The following KCNK13 variants were observed in gnomAD, a reference collection of about 807,000 sequenced individuals.
KCNK13 encodes the protein potassium two pore domain channel subfamily K member 13.
In KCNK13, 12 loss-of-function variants were observed where a neutral mutation model predicts 23.4. The ratio of observed to expected loss-of-function variants is 0.51; its 90% CI spans 0.33 to 0.83. The LOEUF is 0.83. Ranked by LOEUF, KCNK13 falls within the 40% of genes least tolerant of loss-of-function variation. KCNK13 has a pLI of 0.02. For missense variants in KCNK13, 463 were observed against 556.3 expected (o/e 0.83, Z 1.69); for synonymous variants, 231 against 229.5 (o/e 1.01, Z -0.06).
chr14:90,076,564 C>T (rs1278345249), intron 1 of KCNK13, among the ~76,000 whole-genome samples: 1 of 152,062 alleles, frequency 6.6e-6, no homozygotes, highest in Non-Finnish European at 1.5e-5. Flanking sequence ...TTGGCGCAAA[C>T]CATGTCAGAT....
intron 1 of KCNK13, among the ~76,000 whole-genome samples, chr14:90,172,101 G>A (rs1890370861): frequency 6.6e-6 from 1 of 152,110 alleles, no homozygotes; most frequent in South Asian, 2.1e-4. Context: ...CAGATCACCT[G>A]AGGTCAGGAG....
At chr14:90,091,764 G>A (rs1889346604) in intron 1 of KCNK13, among the ~76,000 whole-genome samples, 1 of 151,916 alleles carries the variant, frequency 6.6e-6, no homozygotes, top group African/African-American at 2.4e-5. Flanking sequence ...AGAGTCTATG[G>A]AGAGAGTCCT....
At chr14:90,098,696 T>TC (rs1322954667) in intron 1 of KCNK13, among the ~76,000 whole-genome samples, 1 of 151,424 alleles carries the variant, frequency 6.6e-6, no homozygotes, top group African/African-American at 2.4e-5. Flanking sequence ...GATGGAATTG[T>TC]CCCCCTTAAT....
intron 1 of KCNK13, among the ~76,000 whole-genome samples, chr14:90,141,202 AAC>A (rs1203743600): frequency 6.6e-6 from 1 of 152,222 alleles, no homozygotes; most frequent in Admixed American, 6.5e-5. Flanking sequence ...CTTCAATGCA[AAC>A]ACACACAAGA....
intron 1 of KCNK13, among the ~76,000 whole-genome samples, chr14:90,091,178 G>T (rs28648583): frequency 0.019 from 2,871 of 152,282 alleles, 81 homozygotes; most frequent in African/African-American, 0.065. Flanking sequence ...GGCCCCACAT[G>T]ATATTATTTT....
intron 1 of KCNK13, among the ~76,000 whole-genome samples, chr14:90,146,461 G>A (rs1347183222): frequency 6.6e-6 from 1 of 152,012 alleles, no homozygotes; most frequent in Non-Finnish European, 1.5e-5. Context: ...GATTACAGGT[G>A]TGCATCACCA....
chr14:90,119,001 C>T (rs867920345), intron 1 of KCNK13, among the ~76,000 whole-genome samples: 51 of 152,128 alleles, frequency 3.4e-4, no homozygotes, highest in African/African-American at 1.2e-3. Flanking sequence ...CAATCAGAAA[C>T]TGCTTTGAAC....
chr14:90,138,970 G>A (rs1239752463), intron 1 of KCNK13, among the ~76,000 whole-genome samples: 3 of 152,140 alleles, frequency 2.0e-5, no homozygotes, highest in Non-Finnish European at 4.4e-5. Flanking sequence ...AGGCAACAGT[G>A]GGGCTCTGGG....
chr14:90,166,684 C>T (rs541580095), intron 1 of KCNK13, among the ~76,000 whole-genome samples: 6 of 148,082 alleles, frequency 4.1e-5, no homozygotes, highest in East Asian at 2.0e-4. Context: ...CTAGTCTGGG[C>T]GACAGAGCAA....
Position 90,162,182 on chromosome 14 carries a change from AAAAAC to A in KCNK13, c.335-21914_335-21910del, listed in dbSNP as rs556071618. Among the ~76,000 whole-genome samples, 13 of 152,258 alleles carry A rather than the reference AAAAAC, an allele frequency of 8.5e-5. No individual in the cohort carries two copies. The South Asian group carries it at 1.7e-3, about 19-fold the overall frequency. On this transcript the variant is annotated intron_variant, in intron 1 of 1. Transcript: ENST00000282146. ...CAACAGAGTCAGACCCTCTCTCAGA[AAAAAC>A]AAAACAAAACAAAAACAAAAAGGAG... is the stretch of plus-strand genomic sequence containing the variant.
intron 1 of KCNK13, among the ~76,000 whole-genome samples, chr14:90,101,790 C>CA (rs546423368): frequency 0.022 from 1,212 of 55,346 alleles, 40 homozygotes; most frequent in African/African-American, 0.042. Context: ...ACTCCGTCTC[C>CA]AAAAAAAAAA....
At chr14:90,133,328 G>T (rs895406688) in intron 1 of KCNK13, among the ~76,000 whole-genome samples, 1 of 152,092 alleles carries the variant, frequency 6.6e-6, no homozygotes, top group Non-Finnish European at 1.5e-5. Context: ...TGTCCACAAC[G>T]GATAAATCTC....
At chr14:90,073,479 G>C (rs1889100312) in intron 1 of KCNK13, among the ~76,000 whole-genome samples, 1 of 152,130 alleles carries the variant, frequency 6.6e-6, no homozygotes, top group African/African-American at 2.4e-5. Flanking sequence ...TGGCATGTTG[G>C]CACCAAGGTT....
chr14:90,071,726 G>A (rs947120966), intron 1 of KCNK13, among the ~76,000 whole-genome samples: 3 of 152,062 alleles, frequency 2.0e-5, no homozygotes, highest in East Asian at 1.9e-4. Context: ...GTGAAACCCT[G>A]TCTCTACTAA....
chr14:90,087,968 T>TGC (rs1280401439), intron 1 of KCNK13, among the ~76,000 whole-genome samples: 18 of 152,226 alleles, frequency 1.2e-4, no homozygotes, highest in Middle Eastern at 3.2e-3. Flanking sequence ...GGTGATTCAA[T>TGC]GCTACTTCTT....
rs1027664321 is a variant in KCNK13 at position 90,105,652 on chromosome 14, GT to G, written c.334+43124del. Among the ~76,000 whole-genome samples the G allele has an allele frequency of 7.6e-3, 1,102 of 145,656 alleles. 9 individuals are homozygous for G. The highest frequency in any genetic ancestry group is 0.026 in the African/African-American group (1,032 of 39,956). The stretch of plus-strand genomic sequence containing the variant: ...ATTGTCTCCCCAAATCAAGGAAGTT[GT>G]TTTTTTTTTTCCTTTTGGCCATTTT... On this transcript the variant is annotated intron_variant, in intron 1 of 1. Coordinates refer to ENST00000282146, the MANE Select transcript of KCNK13 (RefSeq NM_022054.4).
At chr14:90,109,637 C>T (rs1444739987) in intron 1 of KCNK13, among the ~76,000 whole-genome samples, 1 of 151,888 alleles carries the variant, frequency 6.6e-6, no homozygotes, top group Non-Finnish European at 1.5e-5. Context: ...GTCTCGATCT[C>T]CTGACCTCGT....
intron 1 of KCNK13, among the ~76,000 whole-genome samples, chr14:90,147,950 CA>C (rs771185030): frequency 6.6e-6 from 1 of 152,110 alleles, no homozygotes; most frequent in Non-Finnish European, 1.5e-5. Context: ...ATGGGCAGAT[CA>C]CCTGAGGTCA....
At chr14:90,087,074 G>A (rs1889284084) in intron 1 of KCNK13, among the ~76,000 whole-genome samples, 1 of 145,868 alleles carries the variant, frequency 6.9e-6, no homozygotes, top group Non-Finnish European at 1.5e-5. Flanking sequence ...AAATCATGGT[G>A]GTTATTAGCC....
Sources: allele counts gnomAD v4.1 joint callset (sites outside exome capture counted in the v4.1 genomes callset), GRCh38; gene constraint gnomAD v4.1.1; transcripts MANE v1.5; gene names NCBI Gene and HGNC (gene_info 2026-07-23, HGNC 2026-07-21).